The following AGMO variants were observed in gnomAD, a reference collection of about 807,000 sequenced individuals.
AGMO encodes alkylglycerol monooxygenase, also known as glyceryl-ether monooxygenase.
In AGMO, 75 loss-of-function variants were observed where a neutral mutation model predicts 60.2. That is an observed-to-expected ratio of 1.25 (90% CI 1.03 to 1.51). The LOEUF (loss-of-function observed/expected upper bound fraction) is 1.51, where lower values mean the gene tolerates loss of function less well. Among genes scored for constraint, AGMO ranks in the 40% most tolerant of loss-of-function variants. AGMO has a pLI of 0.00. For synonymous variants in AGMO, 261 were observed against 177.1 expected, an observed-to-expected ratio of 1.47 and a Z score of -3.76; for missense variants, 763 against 525.5, an observed-to-expected ratio of 1.45 and a Z score of -4.42.
intron 12 of AGMO, among the ~76,000 whole-genome samples, chr7:15,334,691 C>G (rs913783577): frequency 2.7e-4 from 41 of 152,136 alleles, no homozygotes; most frequent in Non-Finnish European, 6.0e-4. Flanking sequence ...TTATTGAAAG[C>G]CTTACTATAA....
intron 12 of AGMO, among the ~76,000 whole-genome samples, chr7:15,252,184 G>GT (rs1782957526): frequency 6.6e-6 from 1 of 152,192 alleles, no homozygotes; most frequent in Admixed American, 6.5e-5. Context: ...TATATAGTAT[G>GT]TAAGAAGTTG....
At chr7:15,282,289 A>G (rs191510414) in intron 12 of AGMO, among the ~76,000 whole-genome samples, 4 of 152,220 alleles carry the variant, frequency 2.6e-5, no homozygotes, top group East Asian at 3.9e-4. Context: ...ACTCAAGGAG[A>G]TATCAAGAAA....
intron 3 of AGMO, among the ~76,000 whole-genome samples, chr7:15,452,704 T>C (rs1781887256): frequency 6.6e-6 from 1 of 152,192 alleles, no homozygotes; most frequent in African/African-American, 2.4e-5. Context: ...ACAGTTACCA[T>C]GTGATTCTGC....
intron 12 of AGMO, among the ~76,000 whole-genome samples, chr7:15,345,101 A>C (rs1438745319): frequency 6.6e-6 from 1 of 152,194 alleles, no homozygotes; most frequent in Non-Finnish European, 1.5e-5. Flanking sequence ...TCTTCTTTAC[A>C]AAACACAAAA....
chr7:15,558,014 TC>T (rs1206189373), intron 2 of AGMO, among the ~76,000 whole-genome samples: 1 of 151,608 alleles, frequency 6.6e-6, no homozygotes, highest in African/African-American at 2.4e-5. Context: ...TCTCTCTCTC[TC>T]TCTCCCCCCT....
chr7:15,389,467 TA>T (rs1343476477), intron 8 of AGMO, among the ~76,000 whole-genome samples: 1 of 152,184 alleles, frequency 6.6e-6, no homozygotes, highest in African/African-American at 2.4e-5. Context: ...ATATTCTTAG[TA>T]AGTTTAATCA....
intron 12 of AGMO, among the ~76,000 whole-genome samples, chr7:15,301,841 T>A (rs1001955405): frequency 6.6e-6 from 1 of 152,124 alleles, no homozygotes; most frequent in African/African-American, 2.4e-5. Flanking sequence ...TGAATAATTT[T>A]TTATTATATA....
At chr7:15,380,818 T>C (rs1783652102) in intron 10 of AGMO, among the ~76,000 whole-genome samples, 1 of 152,142 alleles carries the variant, frequency 6.6e-6, no homozygotes, top group Non-Finnish European at 1.5e-5. Flanking sequence ...AGCATGGTAC[T>C]GGCACAAAAA....
chr7:15,322,743 A>AAAT (rs1781210160), intron 12 of AGMO, among the ~76,000 whole-genome samples: 1 of 126,382 alleles, frequency 7.9e-6, no homozygotes, highest in Non-Finnish European at 1.6e-5. Flanking sequence ...TAAATATATA[A>AAAT]ATATATATAA....
At chr7:15,378,990 T>A (rs1693030708) in intron 10 of AGMO, among the ~76,000 whole-genome samples, 1 of 151,932 alleles carries the variant, frequency 6.6e-6, no homozygotes. Context: ...GGAAACTGAA[T>A]AACCTGCTCC....
Position 15,515,208 on chromosome 7 carries a change from T to C in AGMO, c.409+29564A>G, listed in dbSNP as rs573663197. On this transcript the variant is annotated intron_variant, in intron 3 of 12. Coordinates refer to ENST00000342526, the MANE Select transcript of AGMO (RefSeq NM_001004320.2). ...TTATGCTTCTGAAACTACTAAAAGG[T>C]TTTACTCTGGGAAAACTCTCTAGTG... Among the ~76,000 whole-genome samples the C allele has an allele frequency of 3.5e-4, 53 of 152,304 alleles. 2 individuals are homozygous for C. The South Asian group carries it at 0.011, about 32-fold the overall frequency.
intron 4 of AGMO, 72 bp downstream of exon 4, chr7:15,430,933 T>TTTTTTTTTA: frequency 1.0e-5 from 8 of 788,668 alleles, no homozygotes; most frequent in Admixed American, 3.1e-5. Context: ...TTTTTTTTTT[T>TTTTTTTTTA]GAGGAAATAG....
At chr7:15,470,994 A>G (rs1022497655) in intron 3 of AGMO, among the ~76,000 whole-genome samples, 2 of 151,964 alleles carry the variant, frequency 1.3e-5, no homozygotes, top group Non-Finnish European at 2.9e-5. Context: ...ATATGCCTCT[A>G]AGTAAAAATT....
intron 5 of AGMO, among the ~76,000 whole-genome samples, chr7:15,395,081 T>C (rs535169838): frequency 6.6e-5 from 10 of 152,316 alleles, no homozygotes; most frequent in Admixed American, 4.6e-4. Context: ...CCACCAACCA[T>C]GGCAGATACC....
At chr7:15,493,132 T>G (rs1012473876) in intron 3 of AGMO, among the ~76,000 whole-genome samples, 10 of 152,080 alleles carry the variant, frequency 6.6e-5, no homozygotes, top group Admixed American at 3.3e-4. Flanking sequence ...TAATAAAGGT[T>G]TATATCAGTG....
At chr7:15,326,223 A>G (rs974547748) in intron 12 of AGMO, among the ~76,000 whole-genome samples, 2 of 152,200 alleles carry the variant, frequency 1.3e-5, no homozygotes, top group African/African-American at 4.8e-5. Flanking sequence ...AACTTTTACC[A>G]CTAGATGGAG....
At chr7:15,490,281 C>T (rs930341383) in intron 3 of AGMO, among the ~76,000 whole-genome samples, 5 of 152,090 alleles carry the variant, frequency 3.3e-5, no homozygotes, top group African/African-American at 1.2e-4. Context: ...ATTCATTTTA[C>T]TCTCTGGTGG....
chr7:15,386,677 T>A (rs1164133252), intron 9 of AGMO, among the ~76,000 whole-genome samples: 2 of 152,178 alleles, frequency 1.3e-5, no homozygotes, highest in African/African-American at 4.8e-5. Context: ...ACAGGCTAAC[T>A]TTTGTACACA....
At chr7:15,234,469 C>G (rs541059678) in intron 12 of AGMO, among the ~76,000 whole-genome samples, 12 of 152,220 alleles carry the variant, frequency 7.9e-5, no homozygotes, top group Non-Finnish European at 1.6e-4. Context: ...TCAAGATACG[C>G]TAAGAGAACA....
Sources: gnomAD v4.1 joint callset for allele counts (sites outside exome capture counted in the v4.1 genomes callset) on GRCh38, gnomAD v4.1.1 for gene constraint, MANE v1.5 for transcripts, NCBI Gene and HGNC (gene_info 2026-07-23, HGNC 2026-07-21) for gene names.